SOCS7: variants seen among roughly 807,000 people sequenced by gnomAD.
The protein encoded by SOCS7 is NAP-4.
In SOCS7, 18 loss-of-function variants were observed where a neutral mutation model predicts 58.9. The ratio of observed to expected loss-of-function variants is 0.31; its 90% confidence interval spans 0.21 to 0.45. The LOEUF is 0.45. SOCS7 is among the 20% of genes least tolerant of loss of function. The pLI is 1.00. For synonymous variants in SOCS7, 388 were observed against 364.3 expected, an observed-to-expected ratio of 1.06 and a Z score of -0.74; for missense variants, 667 against 837.3, an observed-to-expected ratio of 0.80 and a Z score of 2.51.
At chr17:38,393,301 A>C (rs1242446989) in intron 7 of SOCS7, among the ~76,000 whole-genome samples, 1 of 152,152 alleles carries the variant, frequency 6.6e-6, no homozygotes, top group Non-Finnish European at 1.5e-5. Flanking sequence ...TGCGGTGTAC[A>C]TGCTTTCATT....
At chr17:38,360,290 G>A (rs2037699246) in intron 1 of SOCS7, among the ~76,000 whole-genome samples, 2 of 150,152 alleles carry the variant, frequency 1.3e-5, no homozygotes, top group East Asian at 2.0e-4. Flanking sequence ...TTCACCTCCC[G>A]GGCTCAGGAA....
chr17:38,382,142 G>A (rs537069185), intron 7 of SOCS7, among the ~76,000 whole-genome samples: 24 of 150,870 alleles, frequency 1.6e-4, no homozygotes, highest in Admixed American at 1.4e-3. Flanking sequence ...AAAAAATCAT[G>A]CTTTGATCAG....
chr17:38,370,523 T>C (rs1449861169), intron 6 of SOCS7, among the ~76,000 whole-genome samples: 1 of 151,688 alleles, frequency 6.6e-6, no homozygotes, highest in Non-Finnish European at 1.5e-5. Context: ...ATTTTTTTAG[T>C]AGAGACAGGG....
chr17:38,364,665 G>A (rs1718344225), intron 2 of SOCS7, 87 bp from the exon 3 acceptor site: 10 of 1,075,504 alleles, frequency 9.3e-6, no homozygotes, highest in East Asian at 4.7e-5. Context: ...CCCCAGCCTC[G>A]CCTGCTTGCC....
chr17:38,388,642 G>A (rs1009525514), intron 7 of SOCS7, among the ~76,000 whole-genome samples: 2 of 152,134 alleles, frequency 1.3e-5, no homozygotes, highest in African/African-American at 2.4e-5. Flanking sequence ...CAGACTATTA[G>A]CAGTTACTCC....
intron 5 of SOCS7, among the ~76,000 whole-genome samples, chr17:38,366,976 T>A (rs1431036435): frequency 1.3e-5 from 2 of 152,238 alleles, no homozygotes; most frequent in Non-Finnish European, 2.9e-5. Flanking sequence ...TTTGATAGAT[T>A]AACTGACCCA....
chr17:38,394,338 C>G (rs1178400911), intron 7 of SOCS7, among the ~76,000 whole-genome samples: 1 of 152,164 alleles, frequency 6.6e-6, no homozygotes, highest in African/African-American at 2.4e-5. Flanking sequence ...TTTTTTTGGT[C>G]TCCTGGCCTA....
intron 7 of SOCS7, among the ~76,000 whole-genome samples, chr17:38,387,424 G>A (rs1291992908): frequency 7.6e-5 from 11 of 145,172 alleles, no homozygotes; most frequent in African/African-American, 2.6e-4. Context: ...TCCAGCCTGG[G>A]TGACAGAGAG....
At chr17:38,373,093 C>T (rs569785818) in intron 6 of SOCS7, among the ~76,000 whole-genome samples, 4 of 147,668 alleles carry the variant, frequency 2.7e-5, no homozygotes, top group Admixed American at 6.8e-5. Flanking sequence ...GCAACAAGAG[C>T]AGAACTCTGT....
rs775439842 is a variant in SOCS7, at chr17:38,352,832, G to C, written c.780G>C (p.Gly260=). ...CTCCCCCGCCCCCGCCTCCTCCCGG[G>C]CCCCTCCGGCCACTCGCGGGTCCTT... ...QQPPPPPPPP[G]PLRPLAGPSR... is the part of the protein sequence containing the mutation. The change falls in exon 1 of 10, where the codon GGG becomes GGC. Residue 260 remains glycine (G), a synonymous_variant. Coordinates refer to ENST00000612932, the MANE Select transcript of SOCS7 (RefSeq NM_014598.4). This position sits in a 1 kb window ranked among gnomAD's most constrained non-coding sequence, Gnocchi z 5.5. 11 of 1,567,542 alleles carry C rather than the reference G, an allele frequency of 7.0e-6. No homozygotes were observed. Among genetic ancestry groups the C allele is most frequent in the South Asian group, 3.5e-5 (3 of 85,366 alleles).
chr17:38,381,693 G>A (rs2038002157), intron 7 of SOCS7, among the ~76,000 whole-genome samples: 1 of 152,068 alleles, frequency 6.6e-6, no homozygotes, highest in African/African-American at 2.4e-5. Flanking sequence ...GCTTGGCGCA[G>A]TGGCTCACGC....
intron 6 of SOCS7, among the ~76,000 whole-genome samples, chr17:38,370,349 C>A (rs755392860): frequency 1.3e-4 from 19 of 151,778 alleles, no homozygotes; most frequent in Admixed American, 1.2e-3. Context: ...AGTAGAATTT[C>A]TTTTTTTTGA....
intron 7 of SOCS7, among the ~76,000 whole-genome samples, chr17:38,390,640 T>TTCC (rs2038158611): frequency 8.7e-6 from 1 of 114,400 alleles, no homozygotes; most frequent in Non-Finnish European, 1.7e-5. Flanking sequence ...TTTTGTTCGT[T>TTCC]TTCCTTCCTT....
At position 38,404,595 on chromosome 17, in the gene SOCS7, T is replaced by C. The variant is rs112667628; in HGVS notation, c.*5113T>C. 6.6e-6 allele frequency: 1 copy of C among 152,224 alleles called. No homozygotes were observed. Among genetic ancestry groups the C allele is most frequent in the Non-Finnish European group, 1.5e-5 (1 of 68,048 alleles). 9.4% of individuals were successfully genotyped at this position (152,224 alleles called of 1,614,324 possible). A position where few individuals can be genotyped will look rare whatever the true frequency, so the allele number is the denominator to read the frequency against. Reference sequence around the variant, plus strand: ...GCCAGCCACGGCGGGAAGACATGCATGTTTGGTTGCAGCTGGACTGCGATC... The same window carrying C: ...GCCAGCCACGGCGGGAAGACATGCACGTTTGGTTGCAGCTGGACTGCGATC... On this transcript the variant is annotated 3_prime_UTR_variant, in exon 10 of 10. Coordinates refer to ENST00000612932, the MANE Select transcript of SOCS7 (RefSeq NM_014598.4).
At position 38,364,851 on chromosome 17, in the gene SOCS7, T is replaced by C; in HGVS notation, c.1145T>C (p.Leu382Pro). The C allele has an allele frequency of 6.2e-7, 1 of 1,612,044 alleles. No homozygotes were observed. Among genetic ancestry groups the C allele is most frequent in the African/African-American group, 1.3e-5 (1 of 74,940 alleles). Reference sequence around the variant, plus strand: ...CCTCCTCCGAGAAGAAGCCTCAGCCTCCTAGGTATAGTTTCTTCCCCTCTC... The same window carrying C: ...CCTCCTCCGAGAAGAAGCCTCAGCCCCCTAGGTATAGTTTCTTCCCCTCTC... ...PPPPPRRSLS[L>P]LDDISGTLPT... Residue 382 changes from leucine (L) to proline (P), a missense_variant, in exon 3 of 10, where the codon CTC becomes CCC. Transcript: ENST00000612932.
At chr17:38,382,951 G>T (rs1481474602) in intron 7 of SOCS7, among the ~76,000 whole-genome samples, 1 of 151,978 alleles carries the variant, frequency 6.6e-6, no homozygotes, top group African/African-American at 2.4e-5. Flanking sequence ...GGTCTGTCCC[G>T]TGTATTGGAG....
At chr17:38,366,447 C>T in intron 5 of SOCS7, 30 bp downstream of exon 5, 1 of 1,612,692 alleles carries the variant, frequency 6.2e-7, no homozygotes, top group Non-Finnish European at 8.5e-7. Flanking sequence ...TGGCAGGTCA[C>T]TTCTCCTCCC....
intron 7 of SOCS7, among the ~76,000 whole-genome samples, chr17:38,385,665 C>T (rs1229505075): frequency 6.6e-6 from 1 of 152,062 alleles, no homozygotes; most frequent in Non-Finnish European, 1.5e-5. Context: ...TCCCTGAACA[C>T]TATAGTTTGA....
rs905139317 is a variant in SOCS7, at chr17:38,403,217, G to A, written c.*3735G>A. On this transcript the variant is annotated 3_prime_UTR_variant, in exon 10 of 10. Transcript: ENST00000612932. ...CCTTCCCCTTCCCTACATTTCACTT[G>A]GGCTAATGATGTAAGCCCCCCTTGA... 6.6e-6 allele frequency: 1 copy of A among 152,192 alleles called. No homozygotes were observed. The highest frequency in any genetic ancestry group is 6.6e-5 in the Admixed American group (1 of 15,264). The allele number at this position is 152,192 out of a possible 1,614,324, so 9.4% of individuals were successfully genotyped here. A position where few individuals can be genotyped will look rare whatever the true frequency, so the allele number is the denominator to read the frequency against.
Sources: gnomAD v4.1 joint callset for allele counts (sites outside exome capture counted in the v4.1 genomes callset) on GRCh38, gnomAD v4.1.1 for gene constraint, Gnocchi (gnomAD v3.1) non-coding constraint, MANE v1.5 for transcripts, NCBI Gene and HGNC (gene_info 2026-07-23, HGNC 2026-07-21) for gene names.